The following SELENOI variants were observed in gnomAD, a reference collection of about 807,000 sequenced individuals.
The protein encoded by SELENOI is selenoprotein I.
A neutral mutation model predicts 50.7 loss-of-function variants in SELENOI; 24 were observed. The ratio of observed to expected loss-of-function variants is 0.47; its 90% CI spans 0.34 to 0.67. The LOEUF is 0.67. Among genes scored for constraint, SELENOI ranks in the 30% least tolerant of loss-of-function variants. The probability of loss-of-function intolerance (pLI) is 0.01; values close to 1 mark genes in which losing one functional copy is unlikely to be tolerated. For missense variants in SELENOI, 352 were observed against 461.4 expected (o/e 0.76, Z 2.17); for synonymous variants, 155 against 170.2 (o/e 0.91, Z 0.70).
chr2:26,361,153 G>C (rs1677168288), intron 1 of SELENOI, among the ~76,000 whole-genome samples: 1 of 152,234 alleles, frequency 6.6e-6, no homozygotes, highest in African/African-American at 2.4e-5. Flanking sequence ...GGCGGAGCTT[G>C]CAGTGAGCCA....
chr2:26,387,686 A>G (rs1291721908), intron 9 of SELENOI, among the ~76,000 whole-genome samples: 1 of 107,946 alleles, frequency 9.3e-6, no homozygotes, highest in Non-Finnish European at 2.0e-5. Flanking sequence ...ACAAAGTGAG[A>G]CCCTGTCTCA....
At chr2:26,376,958 G>A (rs980726673) in intron 6 of SELENOI, among the ~76,000 whole-genome samples, 4 of 151,932 alleles carry the variant, frequency 2.6e-5, no homozygotes, top group African/African-American at 4.8e-5. Context: ...TTTGGCTTTC[G>A]GAAGTTTGAC....
chr2:26,349,932 C>CA (rs70950184), intron 1 of SELENOI, among the ~76,000 whole-genome samples: 5,182 of 55,326 alleles, frequency 0.094, 398 homozygotes, highest in Middle Eastern at 0.12. Context: ...CTCATCTCCA[C>CA]AAAAAAAAAA....
rs749686403 is a variant in SELENOI, at chr2:26,367,205, G to T, written c.295G>T (p.Val99Leu). ...GATTGTAGTGGGCATCCTCAACTTC[G>T]TAGCCTACACTCTAGGTAAGGAATT... ...VWIVVGILNFVAYTLDGVDGK... is the reference protein window; with the variant it reads ...VWIVVGILNFLAYTLDGVDGK... The change falls in exon 4 of 10, where the codon GTA (valine) becomes TTA (leucine). Residue 99 changes from valine (V) to leucine (L), a missense_variant. Physicochemically the swap from Val to Leu is conservative, Grantham distance 32. Coordinates refer to ENST00000260585, the MANE Select transcript of SELENOI (RefSeq NM_033505.4). The T allele has an allele frequency of 6.2e-7, 1 of 1,609,436 alleles. No homozygotes were observed. The highest frequency in any genetic ancestry group is 1.7e-5 in the Admixed American group (1 of 59,390).
At position 26,393,866 on chromosome 2, in the gene SELENOI, G is replaced by T. The variant is rs1678027063; in HGVS notation, c.*4763G>T. ...TAAATGCTGTGGATATTTCATGTCT[G>T]TTTGGCTAATGTCTTCTCTTGAGGA... is the stretch of plus-strand genomic sequence containing the variant. On this transcript the variant is annotated 3_prime_UTR_variant, in exon 10 of 10. Transcript: ENST00000260585. 6.6e-6 allele frequency: 1 copy of T among 152,214 alleles called. No individual in the cohort carries two copies. Among genetic ancestry groups the T allele is most frequent in the Non-Finnish European group, 1.5e-5 (1 of 68,034 alleles). The allele number at this position is 152,214 out of a possible 1,614,324, so 9.4% of individuals were successfully genotyped here.
chr2:26,352,581 C>T (rs768333122), intron 1 of SELENOI, among the ~76,000 whole-genome samples: 2 of 152,046 alleles, frequency 1.3e-5, no homozygotes, highest in African/African-American at 2.4e-5. Context: ...GTCAGGAGTT[C>T]GAGACCACCC....
intron 4 of SELENOI, among the ~76,000 whole-genome samples, chr2:26,370,446 C>G (rs1467941088): frequency 1.3e-5 from 2 of 151,484 alleles, no homozygotes; most frequent in African/African-American, 2.4e-5. Flanking sequence ...TGGGCAGAGG[C>G]ACCCCTCACC....
intron 1 of SELENOI, among the ~76,000 whole-genome samples, chr2:26,358,046 G>C (rs1677100555): frequency 1.3e-5 from 2 of 152,098 alleles, no homozygotes; most frequent in Non-Finnish European, 2.9e-5. Context: ...CTTCCACTAT[G>C]ATTGTGAGGC....
At chr2:26,386,290 TG>T (rs1291368767) in intron 8 of SELENOI, 63 bp from the exon 9 acceptor site, 4 of 1,474,892 alleles carry the variant, frequency 2.7e-6, no homozygotes, top group Non-Finnish European at 3.7e-6. Context: ...AGACTAGTTT[TG>T]GAAGTGCTTT....
rs2147953334 is a variant in SELENOI at position 26,370,561 on chromosome 2, ACCGGGCAGAGGCGCCC to A, written c.311-2804_311-2789del. Among the ~76,000 whole-genome samples, 3 of 83,710 alleles carry A rather than the reference ACCGGGCAGAGGCGCCC, an allele frequency of 3.6e-5. No homozygotes were observed. The South Asian group carries it at 1.7e-3, about 48-fold the overall frequency. 54.9% of individuals were successfully genotyped at this position (83,710 alleles called of 152,430 possible). On this transcript the variant is annotated intron_variant, in intron 4 of 9. Coordinates refer to ENST00000260585, the MANE Select transcript of SELENOI (RefSeq NM_033505.4). ...GGCTCCTCACGTCCCAGTAGGGGCCACCGGGCAGAGGCGCCCCTCACCTCCCGGACGGGGCGGCTGG... is the reference window on the plus strand; with the variant it reads ...GGCTCCTCACGTCCCAGTAGGGGCCACTCACCTCCCGGACGGGGCGGCTGG...
intron 6 of SELENOI, among the ~76,000 whole-genome samples, chr2:26,382,823 CA>C: frequency 6.7e-6 from 1 of 149,522 alleles, no homozygotes; most frequent in African/African-American, 2.5e-5. Flanking sequence ...ACCCTGTTTC[CA>C]TAAAAAAAAA....
At chr2:26,348,910 G>A (rs1188813343) in intron 1 of SELENOI, among the ~76,000 whole-genome samples, 1 of 146,192 alleles carries the variant, frequency 6.8e-6, no homozygotes, top group African/African-American at 2.5e-5. Flanking sequence ...GTTCTCTGTT[G>A]CTTATTAACT....
intron 4 of SELENOI, among the ~76,000 whole-genome samples, chr2:26,373,012 C>T (rs1403636168): frequency 6.6e-6 from 1 of 152,186 alleles, no homozygotes; most frequent in Non-Finnish European, 1.5e-5. Context: ...CCTCAGCCTC[C>T]TGAGTAGCAG....
intron 4 of SELENOI, among the ~76,000 whole-genome samples, chr2:26,371,053 C>T (rs1208931391): frequency 4.3e-5 from 6 of 139,662 alleles, no homozygotes; most frequent in African/African-American, 8.1e-5. Flanking sequence ...TAGGGGCGGC[C>T]GGGCAGAGGC....
intron 8 of SELENOI, 84 bp from the exon 9 acceptor site, chr2:26,386,270 A>G (rs536312929): frequency 1.5e-6 from 2 of 1,332,400 alleles, no homozygotes; most frequent in Non-Finnish European, 2.1e-6. Context: ...ATGCTTTTCA[A>G]ATGTTGGAAA....
chr2:26,346,189 A>G lies in SELENOI; in HGVS notation c.-44A>G. On this transcript the variant is annotated 5_prime_UTR_variant, in exon 1 of 10. Coordinates refer to ENST00000260585, the MANE Select transcript of SELENOI (RefSeq NM_033505.4). ...TGGTGCTTGTGTGTCACAGCCTTGT[A>G]GCCGGGAGTCGCTGCCGAGTGGGCG... 6.2e-7 allele frequency: 1 copy of G among 1,613,136 alleles called. No individual in the cohort carries two copies. The highest frequency in any genetic ancestry group is 8.5e-7 in the Non-Finnish European group (1 of 1,179,498).
At chr2:26,373,256 C>T in intron 4 of SELENOI, 111 bp from the exon 5 acceptor site, 6 of 1,301,352 alleles carry the variant, frequency 4.6e-6, no homozygotes, top group Non-Finnish European at 6.3e-6. Context: ...CTATACTTAA[C>T]ATTCCTGTGA....
chr2:26,386,373 A>G lies in SELENOI; in HGVS notation c.932A>G (p.Gln311Arg). The change falls in exon 9 of 10, where the codon CAA becomes CGA. Residue 311 changes from glutamine (Q) to arginine (R), a missense_variant. By Grantham distance (43) the Gln-to-Arg change is conservative. Transcript: ENST00000260585. ...GTCCAGTGTCAGCTGATTGTTTGCC[A>G]AATGAGTAGTACCCGGTGTCCAACT... ...ANSTCQLIVC[Q>R]MSSTRCPTLN... The G allele has an allele frequency of 6.2e-7, 1 of 1,610,506 alleles. No homozygotes were observed. Among genetic ancestry groups the G allele is most frequent in the Non-Finnish European group, 8.5e-7 (1 of 1,178,886 alleles).
chr2:26,361,815 G>A (rs1028450342), intron 1 of SELENOI, among the ~76,000 whole-genome samples: 7 of 151,994 alleles, frequency 4.6e-5, no homozygotes, highest in Non-Finnish European at 1.0e-4. Flanking sequence ...CACCACACCC[G>A]ACTAATTTGT....
Sources: allele counts gnomAD v4.1 joint callset (sites outside exome capture counted in the v4.1 genomes callset), GRCh38; gene constraint gnomAD v4.1.1; transcripts MANE v1.5; gene names NCBI Gene and HGNC (gene_info 2026-07-23, HGNC 2026-07-21).